Variants in SFXN1 observed in about 807,000 individuals in gnomAD.
SFXN1 encodes sideroflexin-1.
SFXN1 carries 32 observed loss-of-function variants against 39.5 expected under a neutral mutation model. The observed-to-expected ratio is 0.81, with a 90% CI of 0.61 to 1.09. The LOEUF (loss-of-function observed/expected upper bound fraction) is 1.09. Ranked by LOEUF, SFXN1 falls within the 50% of genes least tolerant of loss-of-function variation. The pLI, the probability that SFXN1 is intolerant of heterozygous loss-of-function variation, is 0.00. For missense variants in SFXN1, 402 were observed against 407.1 expected (o/e 0.99, Z 0.11); for synonymous variants, 136 against 146.5 (o/e 0.93, Z 0.52).
Position 175,509,085 on chromosome 5 carries a change from A to G in SFXN1, c.218A>G (p.Tyr73Cys), listed in dbSNP as rs1157879770. 1.2e-6 allele frequency: 2 copies of G among 1,613,772 alleles called. No homozygotes were observed. The highest frequency in any genetic ancestry group is 1.7e-6 in the Non-Finnish European group (2 of 1,179,944). The change falls in exon 3 of 11, where the codon TAC becomes TGC. Residue 73 changes from tyrosine to cysteine, a missense_variant. Transcript: ENST00000321442. ...LTENELWRAK[Y>C]IYDSAFHPDT... ...GAAAATGAATTGTGGAGAGCAAAGTACATCTATGATTCAGCTTTTCATCCT... is the reference window on the plus strand; with the variant it reads ...GAAAATGAATTGTGGAGAGCAAAGTGCATCTATGATTCAGCTTTTCATCCT...
chr5:175,526,804 TC>T lies in SFXN1; in HGVS notation c.*72del. On this transcript the variant is annotated 3_prime_UTR_variant, in exon 11 of 11. Coordinates refer to ENST00000321442, the MANE Select transcript of SFXN1 (RefSeq NM_022754.7). The stretch of plus-strand genomic sequence containing the variant: ...GGTGTAGCCATGCTGGTGAGAAAAA[TC>T]CTGTTCAACCTGGGTTCTCCCAGTT... The T allele has an allele frequency of 7.5e-7, 1 of 1,329,362 alleles. No individual in the cohort carries two copies. The highest frequency in any genetic ancestry group is 1.1e-6 in the Non-Finnish European group (1 of 925,814). The allele number at this position is 1,329,362 out of a possible 1,614,324, so 82.3% of individuals were successfully genotyped here.
rs748869128 is a variant in SFXN1 at position 175,522,372 on chromosome 5, A to T, written c.825-3A>T. 1.3e-6 allele frequency: 2 copies of T among 1,577,978 alleles called. No individual in the cohort carries two copies. The highest frequency in any genetic ancestry group is 1.7e-6 in the Non-Finnish European group (2 of 1,170,884). ...TCTGACTTTTTTTTGTATTTTTTTT[A>T]AGTTTGGTGTTTGCTACACCCCTGT... is the stretch of plus-strand genomic sequence containing the variant. On this transcript the variant is annotated splice_region_variant and splice_polypyrimidine_tract_variant and intron_variant, in intron 9 of 10. Coordinates refer to ENST00000321442, the MANE Select transcript of SFXN1 (RefSeq NM_022754.7).
At chr5:175,512,576 A>G (rs1760560251) in intron 6 of SFXN1, among the ~76,000 whole-genome samples, 1 of 152,186 alleles carries the variant, frequency 6.6e-6, no homozygotes, top group Non-Finnish European at 1.5e-5. Flanking sequence ...TTTTTTCTCC[A>G]GAATTTTCTT....
In SFXN1 at chr5:175,527,959, A is replaced by T. The variant is rs574694100; in HGVS notation, c.*1225A>T. Reference sequence around the variant, plus strand: ...TTTTGAGACGGAGTCTCGCTCTGTCACCCAGGCTGGAGTGCAGTGGCGTAG... The same window carrying T: ...TTTTGAGACGGAGTCTCGCTCTGTCTCCCAGGCTGGAGTGCAGTGGCGTAG... On this transcript the variant is annotated 3_prime_UTR_variant, in exon 11 of 11. Transcript: ENST00000321442. 6.8e-5 allele frequency: 9 copies of T among 131,970 alleles called. No homozygotes were observed. The highest frequency in any genetic ancestry group is 9.1e-5 in the African/African-American group (3 of 32,806). The allele number at this position is 131,970 out of a possible 1,614,324, so 8.2% of individuals were successfully genotyped here.
chr5:175,484,129 G>A (rs558877007), intron 1 of SFXN1: 1 of 152,354 alleles, frequency 6.6e-6, no homozygotes, highest in East Asian at 1.9e-4. Context: ...ACTTCCTCCA[G>A]CGCAGTCTGC....
At chr5:175,490,733 C>T (rs1759623836) in intron 1 of SFXN1, among the ~76,000 whole-genome samples, 1 of 152,052 alleles carries the variant, frequency 6.6e-6, no homozygotes, top group African/African-American at 2.4e-5. Flanking sequence ...GACAAAGATG[C>T]ATAGACAGGG....
intron 2 of SFXN1, among the ~76,000 whole-genome samples, chr5:175,501,008 A>G (rs932192534): frequency 7.3e-5 from 11 of 151,664 alleles, no homozygotes; most frequent in Admixed American, 6.6e-4. Flanking sequence ...AGCTAACACT[A>G]TTCAACTTCT....
chr5:175,499,766 G>C (rs984536235), intron 2 of SFXN1, among the ~76,000 whole-genome samples: 3 of 152,172 alleles, frequency 2.0e-5, no homozygotes, highest in African/African-American at 7.2e-5. Context: ...CTTTTCTTCA[G>C]CATTGTGCTA....
rs772269360 is a variant in SFXN1 at position 175,516,600 on chromosome 5, A to G, written c.725-14A>G. ...ATTAAATAAAGATTTAAGTGGATCT[A>G]TCTTTATTTCCAGCCATCCCTCCAT... On this transcript the variant is annotated splice_polypyrimidine_tract_variant and intron_variant, in intron 7 of 10. Transcript: ENST00000321442. The G allele has an allele frequency of 4.4e-6, 7 of 1,608,398 alleles. No individual in the cohort carries two copies. Among genetic ancestry groups the G allele is most frequent in the South Asian group, 2.2e-5 (2 of 89,300 alleles).
In SFXN1 at chr5:175,492,141, A is replaced by T. The variant is rs745724276; in HGVS notation, c.38A>T (p.Glu13Val). 6.2e-7 allele frequency: 1 copy of T among 1,613,798 alleles called. No homozygotes were observed. The highest frequency in any genetic ancestry group is 8.5e-7 in the Non-Finnish European group (1 of 1,179,954). ...CTACCACCAAACATTAACATCAAGG[A>T]ACCTCGATGGGATCAAAGCACTTTC... is the stretch of plus-strand genomic sequence containing the variant. ...GELPPNINIK[E>V]PRWDQSTFIG... The change falls in exon 2 of 11, where the codon GAA (glutamate) becomes GTA (valine). Residue 13 changes from glutamate (E) to valine (V), a missense_variant. Transcript: ENST00000321442.
chr5:175,501,398 A>T (rs1760079768), intron 2 of SFXN1, among the ~76,000 whole-genome samples: 1 of 152,176 alleles, frequency 6.6e-6, no homozygotes, highest in Non-Finnish European at 1.5e-5. Context: ...GATAAGATAT[A>T]AGAATGGACA....
At chr5:175,508,991 T>G in intron 2 of SFXN1, 41 bp from the exon 3 acceptor site, 1 of 1,564,308 alleles carries the variant, frequency 6.4e-7, no homozygotes, top group East Asian at 2.3e-5. Flanking sequence ...TGGGGAGATA[T>G]TTGAAATGAG....
chr5:175,489,672 G>A (rs1041861814), intron 1 of SFXN1, among the ~76,000 whole-genome samples: 6 of 152,070 alleles, frequency 3.9e-5, no homozygotes, highest in East Asian at 1.9e-4. Context: ...AGTGCAGATC[G>A]ATGGTTCTGA....
chr5:175,516,496 C>G, intron 7 of SFXN1, 118 bp from the exon 8 acceptor site: 1 of 780,650 alleles, frequency 1.3e-6, no homozygotes, highest in Non-Finnish European at 2.1e-6. Flanking sequence ...ACTGTTTTTA[C>G]TGTGACAGTG....
chr5:175,513,761 G>A, intron 7 of SFXN1, 171 bp downstream of exon 7: 1 of 659,064 alleles, frequency 1.5e-6, no homozygotes, highest in Non-Finnish European at 2.5e-6. Context: ...CAGTGGTGAT[G>A]AGGGCAAGGG....
chr5:175,513,225 C>T (rs1309625338), intron 6 of SFXN1, among the ~76,000 whole-genome samples: 3 of 147,252 alleles, frequency 2.0e-5, no homozygotes, highest in African/African-American at 5.1e-5. Flanking sequence ...GCTTTGAACC[C>T]GGGAGGCAGA....
At chr5:175,512,473 A>G (rs1760556105) in intron 6 of SFXN1, among the ~76,000 whole-genome samples, 1 of 152,218 alleles carries the variant, frequency 6.6e-6, no homozygotes, top group African/African-American at 2.4e-5. Context: ...TATAATAAAA[A>G]GTTTAAAAGA....
intron 8 of SFXN1, 21 bp downstream of exon 8, chr5:175,516,684 C>T: frequency 1.2e-6 from 2 of 1,608,752 alleles, no homozygotes; most frequent in Admixed American, 3.4e-5. Context: ...GTTCTTTTGT[C>T]ATTTTCTCAA....
chr5:175,522,536 C>G (rs1760914894), intron 10 of SFXN1, 114 bp downstream of exon 10: 1 of 1,065,078 alleles, frequency 9.4e-7, no homozygotes, highest in Non-Finnish European at 1.4e-6. Context: ...TCAAAAGATA[C>G]TGAAGCCAGG....
Sources: allele counts gnomAD v4.1 joint callset (sites outside exome capture counted in the v4.1 genomes callset), GRCh38; gene constraint gnomAD v4.1.1; transcripts MANE v1.5; gene names NCBI Gene and HGNC (gene_info 2026-07-23, HGNC 2026-07-21).